CD6: variants seen among roughly 807,000 people sequenced by gnomAD.
CD6 encodes the protein CD6 molecule.
Under a neutral mutation model 75.3 loss-of-function variants are expected in CD6, and 53 were observed. That is an observed-to-expected ratio of 0.70 (90% CI 0.56 to 0.88). The LOEUF is 0.88. Among genes scored for constraint, CD6 ranks in the 40% least tolerant of loss-of-function variants. CD6 has a pLI of 0.00. For synonymous variants in CD6, 359 were observed against 381.5 expected (o/e 0.94, Z 0.69); for missense variants, 770 against 897.1 (o/e 0.86, Z 1.81).
chr11:61,005,659 T>C (rs10897133), intron 1 of CD6, among the ~76,000 whole-genome samples: 140,894 of 152,132 alleles, frequency 0.93, 65,595 homozygotes, highest in East Asian at 1. Context: ...AGGCTGGATG[T>C]AGTGGCTCAT....
chr11:61,011,091 T>C lies in CD6; in HGVS notation c.1106T>C (p.Leu369Pro), dbSNP rs763634669. The change falls in exon 6 of 13, where the codon CTG becomes CCG. Residue 369 changes from leucine to proline, a missense_variant. Leu to Pro is a moderately conservative substitution (Grantham distance 98, BLOSUM62 -3). Transcript: ENST00000313421. ...LCSASRSLHN[L>P]STPEVPASVQ... ...ACAGCTTCCCGGAGTTTGCACAATCTGTCCACTCCCGAAGTCCCTGCAAGT... is the reference window on the plus strand; with the variant it reads ...ACAGCTTCCCGGAGTTTGCACAATCCGTCCACTCCCGAAGTCCCTGCAAGT... 6.2e-7 allele frequency: 1 copy of C among 1,614,112 alleles called. No individual in the cohort carries two copies. The highest frequency in any genetic ancestry group is 1.1e-5 in the South Asian group (1 of 91,088).
chr11:61,008,438 C>A, intron 3 of CD6, 96 bp from the exon 4 acceptor site: 1 of 1,239,674 alleles, frequency 8.1e-7, no homozygotes, highest in Non-Finnish European at 1.1e-6. Context: ...ACTGGGTCCA[C>A]AACACGCTCA....
At chr11:60,978,230 T>C (rs1167214688) in intron 1 of CD6, among the ~76,000 whole-genome samples, 2 of 152,222 alleles carry the variant, frequency 1.3e-5, no homozygotes, top group African/African-American at 2.4e-5. Context: ...GGGGTGGGCA[T>C]GGTGTCCCCT....
chr11:60,983,849 C>A (rs950123171), intron 1 of CD6, among the ~76,000 whole-genome samples: 2 of 152,162 alleles, frequency 1.3e-5, no homozygotes, highest in Admixed American at 6.5e-5. Flanking sequence ...GGAATGATTT[C>A]TCAGATTTTC....
rs1859255094 is a variant in CD6 at position 61,013,577 on chromosome 11, T to C, written c.1291+14T>C. ...AAGGAAAATATGGTAAGTGCAAGGT[T>C]CTGGGAGCCATGGCCATCCCAGGGG... On this transcript the variant is annotated intron_variant, in intron 7 of 12. Coordinates refer to ENST00000313421, the MANE Select transcript of CD6 (RefSeq NM_006725.5). The C allele has an allele frequency of 6.2e-7, 1 of 1,613,404 alleles. No individual in the cohort carries two copies. Among genetic ancestry groups the C allele is most frequent in the Non-Finnish European group, 8.5e-7 (1 of 1,179,676 alleles).
chr11:60,998,849 G>GAAAAAA (rs56391909), intron 1 of CD6, among the ~76,000 whole-genome samples: 1 of 129,370 alleles, frequency 7.7e-6, no homozygotes, highest in African/African-American at 2.9e-5. Context: ...ACACAAGGCA[G>GAAAAAA]AAAAAAAAAA....
At chr11:60,972,012 T>C (rs749225041) in intron 1 of CD6, 98 bp downstream of exon 1, 1 of 1,256,864 alleles carries the variant, frequency 8.0e-7, no homozygotes, top group Admixed American at 1.9e-5. Flanking sequence ...GTCACTTTTC[T>C]AGGATCTTTT....
At chr11:61,003,261 A>G (rs61899220) in intron 1 of CD6, among the ~76,000 whole-genome samples, 31,227 of 150,908 alleles carry the variant, frequency 0.21, 3,347 homozygotes, top group African/African-American at 0.24. Context: ...CACCACGCCC[A>G]GCCCTAATCA....
chr11:61,000,643 C>G (rs1858535983), intron 1 of CD6, among the ~76,000 whole-genome samples: 1 of 152,204 alleles, frequency 6.6e-6, no homozygotes, highest in Non-Finnish European at 1.5e-5. Flanking sequence ...GCGGGAGGCT[C>G]AGCTTTCCCT....
At chr11:61,009,482 C>T in intron 4 of CD6, 90 bp from the exon 5 acceptor site, 1 of 1,164,946 alleles carries the variant, frequency 8.6e-7, no homozygotes, top group Non-Finnish European at 1.2e-6. Flanking sequence ...CAAATGGCTG[C>T]ATTGGTGCCT....
chr11:61,018,371 G>A lies in CD6; in HGVS notation c.1920G>A (p.Ser640=), dbSNP rs147448427. ...QNFQPPPQPP[S]EEQFGCPGSP... ...TCCAGCCACCACCCCAGCCCCCTTC[G>A]GAGGAGCAGTTTGGCTGTCCAGGTG... is the stretch of plus-strand genomic sequence containing the variant. The change falls in exon 12 of 13, where the codon TCG becomes TCA. Residue 640 remains serine (S), a synonymous_variant. Transcript: ENST00000313421. The A allele has an allele frequency of 2.7e-3, 4,387 of 1,599,732 alleles. 19 individuals carry two copies. Among genetic ancestry groups the A allele is most frequent in the Middle Eastern group, 0.015 (89 of 6,012 alleles).
At chr11:60,971,942 A>T in intron 1 of CD6, 28 bp downstream of exon 1, 2 of 1,609,156 alleles carry the variant, frequency 1.2e-6, no homozygotes, top group Non-Finnish European at 1.7e-6. Context: ...ATCTCCTGCC[A>T]CTGGTGCTGG....
chr11:61,015,941 C>A (rs1590728291), intron 9 of CD6, 106 bp downstream of exon 9: 2 of 1,346,472 alleles, frequency 1.5e-6, no homozygotes, highest in East Asian at 2.3e-5. Context: ...CTGCATGATG[C>A]AGACAGAATC....
intron 1 of CD6, among the ~76,000 whole-genome samples, chr11:60,998,441 C>A (rs1281207457): frequency 1.3e-5 from 2 of 152,140 alleles, no homozygotes; most frequent in African/African-American, 2.4e-5. Flanking sequence ...ATGCAAGTGA[C>A]AAAACGGGGC....
chr11:60,975,805 T>C (rs942261378), intron 1 of CD6, among the ~76,000 whole-genome samples: 3 of 152,106 alleles, frequency 2.0e-5, no homozygotes, highest in African/African-American at 7.2e-5. Context: ...CCTGTCTCAA[T>C]AAAAAAGTAG....
chr11:60,998,157 T>C (rs969356440), intron 1 of CD6, among the ~76,000 whole-genome samples: 1 of 152,218 alleles, frequency 6.6e-6, no homozygotes, highest in Non-Finnish European at 1.5e-5. Context: ...TTGCTTTGAT[T>C]ACTGACCAGC....
chr11:61,014,012 A>G lies in CD6; in HGVS notation c.1385A>G (p.Glu462Gly). Residue 462 changes from glutamate (E) to glycine (G), a missense_variant and splice_region_variant, in exon 8 of 13, where the codon GAA becomes GGA. By Grantham distance (98) the Glu-to-Gly change is moderately conservative. Transcript: ENST00000313421. ...YQPVPITIPKEVFMLPIQVQA... is the reference protein window; with the variant it reads ...YQPVPITIPKGVFMLPIQVQA... ...CCGGTCCCCATCACCATCCCCAAAG[A>G]AGGTAGGATGTCCCCCATCCTGGGT... 4 of 1,610,294 alleles carry G rather than the reference A, an allele frequency of 2.5e-6. No homozygotes were observed. The highest frequency in any genetic ancestry group is 3.4e-6 in the Non-Finnish European group (4 of 1,177,874).
chr11:60,972,273 A>G (rs1286223121), intron 1 of CD6, among the ~76,000 whole-genome samples: 1 of 152,200 alleles, frequency 6.6e-6, no homozygotes, highest in Non-Finnish European at 1.5e-5. Flanking sequence ...CACCTTCCAG[A>G]GAGGCAGGAC....
intron 9 of CD6, among the ~76,000 whole-genome samples, chr11:61,016,500 T>C (rs1859411956): frequency 6.6e-6 from 1 of 152,258 alleles, no homozygotes; most frequent in Non-Finnish European, 1.5e-5. Flanking sequence ...AAGCTCCAAA[T>C]GACAGTGTCT....
Sources: allele counts gnomAD v4.1 joint callset (sites outside exome capture counted in the v4.1 genomes callset), GRCh38; gene constraint gnomAD v4.1.1; transcripts MANE v1.5; gene names NCBI Gene and HGNC (gene_info 2026-07-23, HGNC 2026-07-21).